Variants in NTM observed in about 807,000 individuals in gnomAD.
The protein encoded by NTM is IgLON family member 2.
A neutral mutation model predicts 42.1 loss-of-function variants in NTM; 13 were observed. The observed-to-expected ratio is 0.31, with a 90% CI of 0.20 to 0.49. NTM has a LOEUF of 0.49. Ranked by LOEUF, NTM falls within the 20% of genes least tolerant of loss-of-function variation. The pLI is 0.99. For synonymous variants in NTM, 187 were observed against 179.2 expected (o/e 1.04, Z -0.35); for missense variants, 373 against 452.8 (o/e 0.82, Z 1.60).
intron 2 of NTM, among the ~76,000 whole-genome samples, chr11:132,048,113 T>C (rs1409306237): frequency 9.9e-5 from 15 of 152,156 alleles, no homozygotes; most frequent in Admixed American, 9.8e-4. Context: ...CCATTCCTTT[T>C]TTATGTGTCT....
At chr11:132,011,655 A>G (rs979286439) in intron 2 of NTM, among the ~76,000 whole-genome samples, 1 of 152,178 alleles carries the variant, frequency 6.6e-6, no homozygotes, top group African/African-American at 2.4e-5. Context: ...GCACATTTTA[A>G]AGTTGAGAAA....
intron 1 of NTM, among the ~76,000 whole-genome samples, chr11:131,550,251 A>G (rs896483225): frequency 6.6e-6 from 1 of 151,978 alleles, no homozygotes; most frequent in African/African-American, 2.4e-5. Flanking sequence ...GTTTGAGACC[A>G]GCTGGCCAAC....
intron 3 of NTM, among the ~76,000 whole-genome samples, chr11:132,194,660 AG>A (rs368380186): frequency 4.3e-4 from 65 of 152,194 alleles, no homozygotes; most frequent in African/African-American, 1.6e-3. Context: ...CCAAATAGGA[AG>A]GTAGGAAGTC....
At position 131,588,685 on chromosome 11, in the gene NTM, A is replaced by C. The variant is rs563733629; in HGVS notation, c.82+217797A>C. ...GCTATAATTTTACTGAACATCATCA[A>C]ATTTTTAACACTTGTAATCAACCTA... On this transcript the variant is annotated intron_variant, in intron 1 of 8. Coordinates refer to ENST00000683400, the MANE Select transcript of NTM (RefSeq NM_001352005.2). Among the ~76,000 whole-genome samples, 4 of 152,330 alleles carry C rather than the reference A, an allele frequency of 2.6e-5. No homozygotes were observed. The East Asian group carries it at 7.7e-4, about 29-fold the overall frequency.
intron 4 of NTM, among the ~76,000 whole-genome samples, chr11:132,253,082 C>A (rs1024808269): frequency 6.6e-6 from 1 of 152,310 alleles, no homozygotes; most frequent in East Asian, 1.9e-4. Flanking sequence ...TTAAGGGATT[C>A]TCTGTCCAAC....
intron 2 of NTM, among the ~76,000 whole-genome samples, chr11:132,032,077 A>G (rs530310182): frequency 6.6e-5 from 10 of 151,988 alleles, no homozygotes; most frequent in Admixed American, 2.0e-4. Context: ...AAGTTCTCAC[A>G]CTCTGCACAC....
intron 2 of NTM, among the ~76,000 whole-genome samples, chr11:132,043,588 G>A (rs1182394332): frequency 6.6e-6 from 1 of 152,214 alleles, no homozygotes; most frequent in African/African-American, 2.4e-5. Context: ...TTTGGGTTCA[G>A]TTATAGTTTC....
intron 2 of NTM, among the ~76,000 whole-genome samples, chr11:132,135,890 G>A (rs1194464130): frequency 2.6e-5 from 4 of 152,192 alleles, no homozygotes; most frequent in Non-Finnish European, 4.4e-5. Context: ...ACAGGCCCCA[G>A]CAAAGGTAGT....
Position 132,090,445 on chromosome 11 carries a change from C to T in NTM, c.168-55837C>T, listed in dbSNP as rs2060246678. On this transcript the variant is annotated intron_variant, in intron 2 of 8. Coordinates refer to ENST00000683400, the MANE Select transcript of NTM (RefSeq NM_001352005.2). ...CCAGTGCCCCACCCTCTCAGTGTTA[C>T]CTTCCCATGCCCAGTAACTTCATCT... Among the ~76,000 whole-genome samples the T allele has an allele frequency of 3.9e-5, 6 of 152,236 alleles. No individual in the cohort carries two copies. The South Asian group carries it at 1.0e-3, about 26-fold the overall frequency.
At chr11:131,903,597 T>G (rs2053462224) in intron 1 of NTM, among the ~76,000 whole-genome samples, 1 of 152,192 alleles carries the variant, frequency 6.6e-6, no homozygotes, top group South Asian at 2.1e-4. Flanking sequence ...ATGGGAAGAA[T>G]GGAAGGCCAT....
intron 2 of NTM, among the ~76,000 whole-genome samples, chr11:131,982,155 G>T (rs951164926): frequency 6.6e-6 from 1 of 152,100 alleles, no homozygotes; most frequent in Admixed American, 6.5e-5. Flanking sequence ...AAGGGGAAAA[G>T]TCTATGAGAA....
At chr11:131,978,675 A>T (rs1024645186) in intron 2 of NTM, among the ~76,000 whole-genome samples, 1 of 152,150 alleles carries the variant, frequency 6.6e-6, no homozygotes, top group Non-Finnish European at 1.5e-5. Context: ...GATTCCTAAT[A>T]TTAGTTCCCA....
intron 2 of NTM, among the ~76,000 whole-genome samples, chr11:131,950,733 G>A (rs920809566): frequency 2.0e-5 from 3 of 152,146 alleles, no homozygotes; most frequent in Non-Finnish European, 4.4e-5. Context: ...TACATGCTCC[G>A]TAACTATAGA....
At chr11:132,317,599 A>ATAAT in intron 7 of NTM, 2 of 1,040,290 alleles carry the variant, frequency 1.9e-6, no homozygotes, top group Non-Finnish European at 1.3e-6. Context: ...AGCACTGTAT[A>ATAAT]TAATATATGT....
At chr11:131,941,905 C>T (rs1054063858) in intron 2 of NTM, among the ~76,000 whole-genome samples, 3 of 152,086 alleles carry the variant, frequency 2.0e-5, no homozygotes, top group Non-Finnish European at 4.4e-5. Flanking sequence ...GCATAATCAT[C>T]CATATTAAAG....
At chr11:131,802,034 T>TA (rs1565570195) in intron 1 of NTM, among the ~76,000 whole-genome samples, 3 of 151,854 alleles carry the variant, frequency 2.0e-5, no homozygotes, top group Non-Finnish European at 2.9e-5. Context: ...TGCAGTATAA[T>TA]AAAAAAAATT....
At chr11:132,189,901 G>A (rs893927813) in intron 3 of NTM, among the ~76,000 whole-genome samples, 9 of 152,180 alleles carry the variant, frequency 5.9e-5, no homozygotes, top group South Asian at 4.1e-4. Context: ...CCATAAAGGC[G>A]AAGCACACAA....
In NTM at chr11:132,061,531, T is replaced by C. The variant is rs141341256; in HGVS notation, c.168-84751T>C. 3.8e-3 allele frequency among the ~76,000 whole-genome samples: 579 copies of C among 152,324 alleles called. 5 individuals carry two copies. The highest frequency in any genetic ancestry group is 0.013 in the African/African-American group (554 of 41,578). On this transcript the variant is annotated intron_variant, in intron 2 of 8. Coordinates refer to ENST00000683400, the MANE Select transcript of NTM (RefSeq NM_001352005.2). ...TTAAATTGAGTTAGATTGAATCAAATTGAATTGAACAGAAATAAATTGAAT... is the reference window on the plus strand; with the variant it reads ...TTAAATTGAGTTAGATTGAATCAAACTGAATTGAACAGAAATAAATTGAAT...
At chr11:131,664,344 T>G (rs1565393794) in intron 1 of NTM, among the ~76,000 whole-genome samples, 3 of 152,246 alleles carry the variant, frequency 2.0e-5, no homozygotes, top group Admixed American at 1.3e-4. Flanking sequence ...TATCATTACT[T>G]GAAAAATCCC....
Sources: gnomAD v4.1 joint callset for allele counts (sites outside exome capture counted in the v4.1 genomes callset) on GRCh38, gnomAD v4.1.1 for gene constraint, MANE v1.5 for transcripts, NCBI Gene and HGNC (gene_info 2026-07-23, HGNC 2026-07-21) for gene names.